Variants in DNAAF9 observed in about 807,000 individuals in gnomAD.
DNAAF9 encodes the protein shulin.
A neutral mutation model predicts 167.0 loss-of-function variants in DNAAF9; 90 were observed. The ratio of observed to expected loss-of-function variants is 0.54; its 90% CI spans 0.45 to 0.64. DNAAF9 has a LOEUF of 0.64. Among genes scored for constraint, DNAAF9 ranks in the 30% least tolerant of loss-of-function variants. The probability of loss-of-function intolerance (pLI) is 0.00; values close to 1 mark genes in which losing one functional copy is unlikely to be tolerated. For synonymous variants in DNAAF9, 491 were observed against 508.8 expected (o/e 0.96, Z 0.47); for missense variants, 1,315 against 1,442.2 (o/e 0.91, Z 1.43).
intron 10 of DNAAF9, among the ~76,000 whole-genome samples, chr20:3,334,208 A>G (rs956346091): frequency 5.9e-5 from 9 of 152,232 alleles, no homozygotes; most frequent in African/African-American, 2.2e-4. Context: ...ACTTCTAGAC[A>G]AGACTAATCC....
intron 27 of DNAAF9, among the ~76,000 whole-genome samples, chr20:3,286,438 T>C (rs1425439481): frequency 2.0e-5 from 3 of 152,194 alleles, no homozygotes; most frequent in Non-Finnish European, 4.4e-5. Context: ...GCTGCTGAAT[T>C]CACCTCCAGG....
At chr20:3,312,132 G>GC (rs1274676148) in intron 20 of DNAAF9, among the ~76,000 whole-genome samples, 1 of 152,094 alleles carries the variant, frequency 6.6e-6, no homozygotes, top group Non-Finnish European at 1.5e-5. Flanking sequence ...GGGATTACAG[G>GC]CATGCGTCAC....
chr20:3,340,454 C>CCCCCCCCCCTT, intron 10 of DNAAF9, 50 bp downstream of exon 10: 1 of 1,053,078 alleles, frequency 9.5e-7, no homozygotes, highest in Non-Finnish European at 1.3e-6. Context: ...ACCCCACCCC[C>CCCCCCCCCCTT]ACAACTTGAT....
chr20:3,325,993 T>C (rs2069703850), intron 13 of DNAAF9, among the ~76,000 whole-genome samples: 1 of 152,196 alleles, frequency 6.6e-6, no homozygotes, highest in Non-Finnish European at 1.5e-5. Context: ...GAAGCACCGA[T>C]TAGTTGTCAT....
Position 3,319,971 on chromosome 20 carries a change from C to T in DNAAF9, c.1357-1571G>A, listed in dbSNP as rs545637708. On this transcript the variant is annotated intron_variant, in intron 16 of 36. Coordinates refer to ENST00000252032, the MANE Select transcript of DNAAF9 (RefSeq NM_001009984.3). ...CAATGGCAATCCTATGTCTTTGGTT[C>T]CCAGACCAATCAGGTGGACAGATCC... Among the ~76,000 whole-genome samples the T allele has an allele frequency of 1.2e-4, 18 of 152,248 alleles. No individual in the cohort carries two copies. In the East Asian group the frequency reaches 2.1e-3, roughly 18 times the overall value.
intron 16 of DNAAF9, among the ~76,000 whole-genome samples, chr20:3,319,479 T>C (rs2069576539): frequency 6.6e-6 from 1 of 152,062 alleles, no homozygotes; most frequent in South Asian, 2.1e-4. Flanking sequence ...AAAATGATGT[T>C]AGCTAGAGCT....
At chr20:3,301,551 T>C (rs1238202922) in intron 21 of DNAAF9, among the ~76,000 whole-genome samples, 1 of 152,164 alleles carries the variant, frequency 6.6e-6, no homozygotes, top group Non-Finnish European at 1.5e-5. Context: ...ACACTATCAG[T>C]AAACATTTCC....
intron 30 of DNAAF9, among the ~76,000 whole-genome samples, chr20:3,268,120 C>T (rs561067581): frequency 6.6e-6 from 1 of 151,690 alleles, no homozygotes; most frequent in South Asian, 2.1e-4. Flanking sequence ...CCTCCGCCTC[C>T]CAGGTTCAAT....
intron 7 of DNAAF9, among the ~76,000 whole-genome samples, chr20:3,350,762 G>C (rs1157839856): frequency 6.6e-6 from 1 of 152,142 alleles, no homozygotes; most frequent in Non-Finnish European, 1.5e-5. Flanking sequence ...CTGTTAAATT[G>C]TGAAACAACT....
At chr20:3,391,226 C>A (rs1440080231) in intron 1 of DNAAF9, among the ~76,000 whole-genome samples, 1 of 151,942 alleles carries the variant, frequency 6.6e-6, no homozygotes, top group Non-Finnish European at 1.5e-5. Flanking sequence ...TGTGTATTTT[C>A]TGCTTCCCAA....
chr20:3,356,084 C>T (rs2083282946), intron 7 of DNAAF9, among the ~76,000 whole-genome samples: 1 of 152,138 alleles, frequency 6.6e-6, no homozygotes, highest in South Asian at 2.1e-4. Context: ...GAGGTGTGAT[C>T]TTGGCTCACT....
chr20:3,304,654 T>C (rs2069257211), intron 20 of DNAAF9, 111 bp from the exon 21 acceptor site: 1 of 641,302 alleles, frequency 1.6e-6, no homozygotes, highest in South Asian at 1.9e-5. Flanking sequence ...CAGTAGCAAT[T>C]ACGTTATGCG....
chr20:3,326,219 G>A lies in DNAAF9; in HGVS notation c.1166C>T (p.Ala389Val), dbSNP rs2069708285. 6.2e-7 allele frequency: 1 copy of A among 1,611,012 alleles called. No individual in the cohort carries two copies. The highest frequency in any genetic ancestry group is 1.3e-5 in the African/African-American group (1 of 74,848). ...TACCTTTGTTAGACTGGAAGTTTTA[G>A]CATAACATGCAATGCCAGCCAAAAC... The part of the protein sequence containing the change: ...EAVLAGIACY[A>V]KTSSLTKAKE... Residue 389 changes from alanine (A) to valine (V), a missense_variant, in exon 13 of 37, where the codon GCT becomes GTT. Physicochemically the swap from Ala to Val is moderately conservative, Grantham distance 64. Coordinates refer to ENST00000252032, the MANE Select transcript of DNAAF9 (RefSeq NM_001009984.3).
At position 3,256,801 on chromosome 20, in the gene DNAAF9, C is replaced by T. The variant is rs78850134; in HGVS notation, c.3056-590G>A. On this transcript the variant is annotated intron_variant, in intron 33 of 36. Coordinates refer to ENST00000252032, the MANE Select transcript of DNAAF9 (RefSeq NM_001009984.3). ...GGTGGTTGAGGAAAAGCAAAGAAACCCCCTTGGTAGAAGTGGGGGGCTCTC... is the reference window on the plus strand; with the variant it reads ...GGTGGTTGAGGAAAAGCAAAGAAACTCCCTTGGTAGAAGTGGGGGGCTCTC... 2.6e-3 allele frequency among the ~76,000 whole-genome samples: 397 copies of T among 152,230 alleles called. 4 individuals are homozygous for T. Among genetic ancestry groups the T allele is most frequent in the East Asian group, 0.017 (90 of 5,180 alleles).
chr20:3,331,076 C>A (rs987456274), intron 11 of DNAAF9, among the ~76,000 whole-genome samples: 5 of 152,280 alleles, frequency 3.3e-5, no homozygotes, highest in South Asian at 4.1e-4. Context: ...CAGGCGTGAG[C>A]CACCATGCCC....
intron 6 of DNAAF9, among the ~76,000 whole-genome samples, chr20:3,371,988 G>A (rs1307509444): frequency 6.6e-6 from 1 of 152,174 alleles, no homozygotes; most frequent in East Asian, 1.9e-4. Context: ...CGATGACTCA[G>A]TTTGGCCCAG....
At chr20:3,340,434 C>A in intron 10 of DNAAF9, 70 bp downstream of exon 10, 1 of 184,746 alleles carries the variant, frequency 5.4e-6, no homozygotes, top group South Asian at 1.1e-4. Flanking sequence ...TTGTCTAGCT[C>A]CCCCCACCCA....
rs1404289689 is a variant in DNAAF9, at chr20:3,281,692, A to G, written c.2561T>C (p.Ile854Thr). The change falls in exon 28 of 37, where the codon ATT becomes ACT. Residue 854 changes from isoleucine to threonine, a missense_variant. Coordinates refer to ENST00000252032, the MANE Select transcript of DNAAF9 (RefSeq NM_001009984.3). ...CTCCACACATGCTGTGATGGCACCA[A>G]TGGTGAAGGAGGCCTTGACATTTGA... ...PDSNVKASFT[I>T]GAITACVEPM... is the part of the protein sequence containing the mutation. 1.2e-6 allele frequency: 2 copies of G among 1,612,886 alleles called. No homozygotes were observed. The highest frequency in any genetic ancestry group is 1.3e-5 in the African/African-American group (1 of 74,888).
chr20:3,335,949 C>T (rs988582051), intron 10 of DNAAF9, among the ~76,000 whole-genome samples: 1 of 151,550 alleles, frequency 6.6e-6, no homozygotes, highest in Non-Finnish European at 1.5e-5. Context: ...ATGGCAAAAC[C>T]CTGTCTCTAC....
Sources: allele counts gnomAD v4.1 joint callset (sites outside exome capture counted in the v4.1 genomes callset), GRCh38; gene constraint gnomAD v4.1.1; transcripts MANE v1.5; gene names NCBI Gene and HGNC (gene_info 2026-07-23, HGNC 2026-07-21).